WDR64: variants seen among roughly 807,000 people sequenced by gnomAD.
WDR64 encodes the protein WD repeat-containing protein 64.
WDR64 carries 112 observed loss-of-function variants against 139.3 expected under a neutral mutation model. The ratio of observed to expected loss-of-function variants is 0.80; its 90% CI spans 0.69 to 0.94. WDR64 has a LOEUF of 0.94. Among genes scored for constraint, WDR64 ranks in the 40% least tolerant of loss-of-function variants. The pLI, the probability that WDR64 is intolerant of heterozygous loss-of-function variation, is 0.00. For synonymous variants in WDR64, 444 were observed against 437.7 expected (o/e 1.01, Z -0.18); for missense variants, 1,206 against 1,293.1 (o/e 0.93, Z 1.03).
intron 17 of WDR64, among the ~76,000 whole-genome samples, chr1:241,770,212 G>A (rs935016258): frequency 6.6e-6 from 1 of 152,128 alleles, no homozygotes; most frequent in Non-Finnish European, 1.5e-5. Flanking sequence ...CTTTTCAGCC[G>A]GTTTCAGTGG....
At chr1:241,740,395 T>C (rs908746478) in intron 11 of WDR64, among the ~76,000 whole-genome samples, 1 of 152,210 alleles carries the variant, frequency 6.6e-6, no homozygotes, top group Admixed American at 6.5e-5. Flanking sequence ...ATTTCCATGT[T>C]AAGGTATCTG....
intron 5 of WDR64, among the ~76,000 whole-genome samples, chr1:241,678,431 G>A (rs10926531): frequency 6.6e-6 from 1 of 152,050 alleles, no homozygotes; most frequent in Non-Finnish European, 1.5e-5. Context: ...ACTGACTGCA[G>A]AGAATTGCTT....
At chr1:241,705,529 A>G (rs1022672362) in intron 8 of WDR64, among the ~76,000 whole-genome samples, 30 of 142,826 alleles carry the variant, frequency 2.1e-4, no homozygotes, top group Admixed American at 1.5e-3. Flanking sequence ...GCGATAGAGC[A>G]AGACTCTGTC....
At chr1:241,751,772 T>G (rs1669989286) in intron 14 of WDR64, among the ~76,000 whole-genome samples, 1 of 152,210 alleles carries the variant, frequency 6.6e-6, no homozygotes, top group Admixed American at 6.5e-5. Flanking sequence ...CCTAGCCACG[T>G]AACAAGAGGG....
intron 6 of WDR64, among the ~76,000 whole-genome samples, chr1:241,680,086 T>C (rs1666719094): frequency 6.6e-6 from 1 of 152,164 alleles, no homozygotes; most frequent in Admixed American, 6.5e-5. Flanking sequence ...TTATGTTCTC[T>C]GCACTCAAAC....
chr1:241,742,877 G>A (rs566161994), intron 12 of WDR64, among the ~76,000 whole-genome samples: 2 of 152,076 alleles, frequency 1.3e-5, no homozygotes, highest in African/African-American at 4.8e-5. Context: ...CCATCATTAC[G>A]GCCACTGAAG....
Position 241,711,893 on chromosome 1 carries a change from G to T in WDR64, c.1054+12G>T, listed in dbSNP as rs767579578. ...GATTGTCACTGGAGGTGAGAGGGCG[G>T]TTCACATTACATAGGGGTTTTCTAC... On this transcript the variant is annotated intron_variant, in intron 9 of 27. Transcript: ENST00000437684. 9 of 1,613,650 alleles carry T rather than the reference G, an allele frequency of 5.6e-6. No homozygotes were observed. The Admixed American group carries it at 1.3e-4, about 24-fold the overall frequency.
At chr1:241,666,613 C>T (rs931025962) in intron 2 of WDR64, among the ~76,000 whole-genome samples, 1 of 152,128 alleles carries the variant, frequency 6.6e-6, no homozygotes, top group Non-Finnish European at 1.5e-5. Flanking sequence ...AACAAAAATG[C>T]TTAGTGCACA....
chr1:241,655,867 C>T (rs141821645), intron 1 of WDR64, among the ~76,000 whole-genome samples: 9 of 152,238 alleles, frequency 5.9e-5, no homozygotes, highest in African/African-American at 2.2e-4. Flanking sequence ...CTTCATTTAA[C>T]CTGCTAAAGT....
At chr1:241,728,253 A>C (rs1160766512) in intron 10 of WDR64, among the ~76,000 whole-genome samples, 1 of 152,112 alleles carries the variant, frequency 6.6e-6, no homozygotes, top group Non-Finnish European at 1.5e-5. Context: ...GAATCGCTTG[A>C]ACCTGGGAGG....
chr1:241,688,625 C>A (rs1251449449), intron 8 of WDR64, among the ~76,000 whole-genome samples: 1 of 152,078 alleles, frequency 6.6e-6, no homozygotes, highest in African/African-American at 2.4e-5. Flanking sequence ...AGTAAGGTCA[C>A]AAGGCAGTTT....
At chr1:241,799,107 T>C (rs767912949) in intron 27 of WDR64, among the ~76,000 whole-genome samples, 6 of 143,818 alleles carry the variant, frequency 4.2e-5, no homozygotes, top group Non-Finnish European at 7.5e-5. Context: ...GGCTCATGCC[T>C]GTAATCCCAG....
intron 12 of WDR64, 101 bp from the exon 13 acceptor site, chr1:241,744,292 A>C (rs1235637035): frequency 1.4e-6 from 2 of 1,428,556 alleles, no homozygotes; most frequent in Non-Finnish European, 1.9e-6. Context: ...TTAGATGTAC[A>C]GAGTTCCATT....
intron 8 of WDR64, among the ~76,000 whole-genome samples, chr1:241,691,609 C>T (rs113673107): frequency 9.3e-6 from 1 of 107,284 alleles, no homozygotes; most frequent in Non-Finnish European, 2.0e-5. Flanking sequence ...ATCTATAGTA[C>T]TGGACAGTTT....
chr1:241,680,454 C>A (rs566561202), intron 6 of WDR64, among the ~76,000 whole-genome samples: 17 of 152,254 alleles, frequency 1.1e-4, no homozygotes, highest in Non-Finnish European at 2.4e-4. Context: ...TTTCCAAACC[C>A]CTAAACTCCA....
At chr1:241,726,406 A>C (rs1378460199) in intron 10 of WDR64, among the ~76,000 whole-genome samples, 1 of 104,488 alleles carries the variant, frequency 9.6e-6, no homozygotes, top group African/African-American at 3.2e-5. Flanking sequence ...ACCATCTTTA[A>C]AAAAAGAGAT....
Position 241,659,472 on chromosome 1 carries a change from G to C in WDR64, c.146-1058G>C, listed in dbSNP as rs146696937. The stretch of plus-strand genomic sequence containing the variant: ...ATGGTATTTCTGCCTCTAGGTCTTT[G>C]AGGAATCACCACACTGTCTTCCACA... On this transcript the variant is annotated intron_variant, in intron 1 of 27. Transcript: ENST00000437684. Among the ~76,000 whole-genome samples, 1,472 of 152,278 alleles carry C rather than the reference G, an allele frequency of 9.7e-3. 16 individuals are homozygous for C. Among genetic ancestry groups the C allele is most frequent in the Non-Finnish European group, 0.013 (900 of 68,026 alleles).
intron 21 of WDR64, among the ~76,000 whole-genome samples, chr1:241,776,085 T>C (rs993307511): frequency 6.6e-6 from 1 of 152,160 alleles, no homozygotes; most frequent in Non-Finnish European, 1.5e-5. Context: ...TTTTTTTTTC[T>C]TTTTTAAATT....
In WDR64 at chr1:241,726,833, T is replaced by G. The variant is rs74642090; in HGVS notation, c.1194+3397T>G. Among the ~76,000 whole-genome samples the G allele has an allele frequency of 7.2e-5, 11 of 152,268 alleles. No individual in the cohort carries two copies. In the East Asian group the frequency reaches 1.9e-3, roughly 27 times the overall value. On this transcript the variant is annotated intron_variant, in intron 10 of 27. Coordinates refer to ENST00000437684, the MANE Select transcript of WDR64 (RefSeq NM_001367482.1). ...GATATACATGGATGGATTTTTTTCTTTTGTTTTCTCTTTGTTTTTTTAAAT... is the reference window on the plus strand; with the variant it reads ...GATATACATGGATGGATTTTTTTCTGTTGTTTTCTCTTTGTTTTTTTAAAT...
Sources: allele counts gnomAD v4.1 joint callset (sites outside exome capture counted in the v4.1 genomes callset), GRCh38; gene constraint gnomAD v4.1.1; transcripts MANE v1.5; gene names NCBI Gene and HGNC (gene_info 2026-07-23, HGNC 2026-07-21).